DOCK7: variants seen among roughly 807,000 people sequenced by gnomAD.
DOCK7 encodes the protein dedicator of cytokinesis protein 7.
A neutral mutation model predicts 271.0 loss-of-function variants in DOCK7; 138 were observed. The ratio of observed to expected loss-of-function variants is 0.51; its 90% CI spans 0.44 to 0.59. The LOEUF (loss-of-function observed/expected upper bound fraction) is 0.59. DOCK7 is among the 20% of genes least tolerant of loss of function. The probability of loss-of-function intolerance (pLI) is 0.00; values close to 1 mark genes in which losing one functional copy is unlikely to be tolerated. For synonymous variants in DOCK7, 823 were observed against 876.1 expected (o/e 0.94, Z 1.07); for missense variants, 2,066 against 2,592.4 (o/e 0.80, Z 4.41).
intron 1 of DOCK7, 39 bp downstream of exon 1, chr1:62,688,184 TTCTC>T (rs1662062186): frequency 7.4e-7 from 1 of 1,351,998 alleles, no homozygotes; most frequent in Admixed American, 3.0e-5. Flanking sequence ...CCGCGGCTCT[TTCTC>T]GGGCGGCGGC....
intron 1 of DOCK7, among the ~76,000 whole-genome samples, chr1:62,686,682 T>C (rs1661792030): frequency 6.6e-6 from 1 of 152,204 alleles, no homozygotes; most frequent in Non-Finnish European, 1.5e-5. Flanking sequence ...AACAACACTA[T>C]GAGCTGGGTC....
intron 22 of DOCK7, among the ~76,000 whole-genome samples, chr1:62,548,656 G>T (rs1645793017): frequency 6.6e-6 from 1 of 152,048 alleles, no homozygotes; most frequent in Non-Finnish European, 1.5e-5. Flanking sequence ...CCCAACCTCA[G>T]GTGATCCACC....
intron 35 of DOCK7, among the ~76,000 whole-genome samples, chr1:62,506,140 G>A (rs1010505318): frequency 6.6e-6 from 1 of 152,072 alleles, no homozygotes; most frequent in Non-Finnish European, 1.5e-5. Flanking sequence ...AAAATAACTA[G>A]AGATAAGGCT....
chr1:62,454,876 C>CAGTT lies in DOCK7; in HGVS notation c.*534_*537dup. ...ATGTAAATGGAAAATAACTTTGAAA[C>CAGTT]AGTTACCAAACTCATTAATTTGGGG... On this transcript the variant is annotated 3_prime_UTR_variant, in exon 50 of 50. Transcript: ENST00000635253. 4.1e-6 allele frequency: 1 copy of CAGTT among 246,388 alleles called. No homozygotes were observed. The allele number at this position is 246,388 out of a possible 1,614,324, so 15.3% of individuals were successfully genotyped here. A position where few individuals can be genotyped will look rare whatever the true frequency, so the allele number is the denominator to read the frequency against.
chr1:62,520,033 G>A (rs1203086776), intron 31 of DOCK7, among the ~76,000 whole-genome samples: 1 of 151,854 alleles, frequency 6.6e-6, no homozygotes, highest in Admixed American at 6.6e-5. Flanking sequence ...ATGGTGTTCG[G>A]AACCGCCTAG....
At chr1:62,542,285 T>G (rs907417933) in intron 25 of DOCK7, among the ~76,000 whole-genome samples, 1 of 152,120 alleles carries the variant, frequency 6.6e-6, no homozygotes, top group Non-Finnish European at 1.5e-5. Context: ...TGGTATAAAA[T>G]CTACAATACT....
intron 1 of DOCK7, among the ~76,000 whole-genome samples, chr1:62,674,970 A>G (rs897766113): frequency 1.3e-5 from 2 of 152,196 alleles, no homozygotes; most frequent in Admixed American, 1.3e-4. Context: ...TAAAATTGAA[A>G]ACCTTTGTGC....
chr1:62,669,119 T>G lies in DOCK7; in HGVS notation c.39-5989A>C, dbSNP rs374468662. 1.3e-3 allele frequency among the ~76,000 whole-genome samples: 199 copies of G among 152,232 alleles called. 5 individuals carry two copies. In the Middle Eastern group the frequency reaches 0.051, roughly 39 times the overall value. ...CTGTTTGGACACTCCTCCCTATACT[T>G]TCAAAGCACCCTGTGCTTATCTGCA... On this transcript the variant is annotated intron_variant, in intron 1 of 49. Transcript: ENST00000635253.
chr1:62,604,341 T>A (rs1416663319), intron 14 of DOCK7: 2 of 1,410,612 alleles, frequency 1.4e-6, no homozygotes, highest in Non-Finnish European at 2.0e-6. Context: ...GAATCCCAAA[T>A]AAGCGTTTTC....
Position 62,507,090 on chromosome 1 carries a change from T to C in DOCK7, c.4476+872A>G, listed in dbSNP as rs1377722034. Reference sequence around the variant, plus strand: ...TCCCAAATTGCTGGGATTACAGGCATGAGCCACCGTGCCCAGCCATAAAAT... The same window carrying C: ...TCCCAAATTGCTGGGATTACAGGCACGAGCCACCGTGCCCAGCCATAAAAT... On this transcript the variant is annotated intron_variant, in intron 35 of 49. Transcript: ENST00000635253. Among the ~76,000 whole-genome samples the C allele has an allele frequency of 2.6e-5, 4 of 152,102 alleles. No individual in the cohort carries two copies. In the East Asian group the frequency reaches 7.8e-4, roughly 30 times the overall value.
intron 1 of DOCK7, among the ~76,000 whole-genome samples, chr1:62,674,790 C>G (rs1231191334): frequency 6.6e-6 from 1 of 152,090 alleles, no homozygotes; most frequent in African/African-American, 2.4e-5. Flanking sequence ...TCAAACCATG[C>G]ATAAAAACTA....
At chr1:62,602,396 T>C (rs1650280814) in intron 14 of DOCK7, 1 of 1,596,638 alleles carries the variant, frequency 6.3e-7, no homozygotes, top group African/African-American at 1.3e-5. Flanking sequence ...GGGACTACAT[T>C]CAATCATTCA....
intron 28 of DOCK7, 57 bp downstream of exon 28, chr1:62,537,834 A>T: frequency 1.3e-6 from 2 of 1,501,100 alleles, no homozygotes; most frequent in Non-Finnish European, 1.8e-6. Flanking sequence ...CCATTGTTTA[A>T]AACTATTCTT....
chr1:62,578,841 G>C lies in DOCK7; in HGVS notation c.1997C>G (p.Pro666Arg). The change falls in exon 17 of 50, where the codon CCA becomes CGA. Residue 666 changes from proline to arginine, a missense_variant. By Grantham distance (103) the Pro-to-Arg change is moderately radical. Transcript: ENST00000635253. ...AAAAGGACTCACTGTATATCCAACT[G>C]GTGTTTCAAGAGGAGTATTTTGTTT... ...QQKQNTPLET[P>R]VGYTWIPMLQ... 1 of 1,601,334 alleles carries C rather than the reference G, an allele frequency of 6.2e-7. No individual in the cohort carries two copies. The highest frequency in any genetic ancestry group is 8.5e-7 in the Non-Finnish European group (1 of 1,176,128).
At chr1:62,624,500 C>A (rs1015372192) in intron 12 of DOCK7, among the ~76,000 whole-genome samples, 1 of 152,098 alleles carries the variant, frequency 6.6e-6, no homozygotes, top group Non-Finnish European at 1.5e-5. Context: ...CTAAAAATAA[C>A]ACTGACCTCA....
chr1:62,670,215 C>T (rs1045565895), intron 1 of DOCK7, among the ~76,000 whole-genome samples: 32 of 152,352 alleles, frequency 2.1e-4, no homozygotes, highest in South Asian at 8.3e-4. Context: ...CCCCGACGAG[C>T]GCCACCCCCT....
At position 62,543,684 on chromosome 1, in the gene DOCK7, G is replaced by A; in HGVS notation, c.2921C>T (p.Thr974Ile). ...SHTETSSFLQ[T>I]LTGRLPTKKL... is the part of the protein sequence containing the mutation. ...TTTAGTTGGTAAGCGTCCCGTTAAT[G>A]TTTGTAAGAAACTTGACGTCTCTGT... Residue 974 changes from threonine to isoleucine, a missense_variant, in exon 24 of 50, where the codon ACA becomes ATA. Thr to Ile is a moderately conservative substitution (Grantham distance 89). Around this residue, in one of 2 missense-constraint regions of DOCK7, gnomAD observed 1,414 missense variants for 1,670.4 expected, o/e 0.85. Coordinates refer to ENST00000635253, the MANE Select transcript of DOCK7 (RefSeq NM_001367561.1). 1.9e-6 allele frequency: 3 copies of A among 1,603,998 alleles called. No individual in the cohort carries two copies. The highest frequency in any genetic ancestry group is 1.7e-6 in the Non-Finnish European group (2 of 1,172,624).
chr1:62,487,160 T>G, intron 43 of DOCK7: 1 of 352,254 alleles, frequency 2.8e-6, no homozygotes, highest in Non-Finnish European at 5.2e-6. Context: ...GTGGCTCATT[T>G]ACCAAAGAAT....
chr1:62,615,127 T>C (rs1432361410), intron 14 of DOCK7, among the ~76,000 whole-genome samples: 2 of 151,872 alleles, frequency 1.3e-5, no homozygotes. Context: ...AAATTATTAT[T>C]TCTTTATGTA....
Sources: allele counts gnomAD v4.1 joint callset (sites outside exome capture counted in the v4.1 genomes callset), GRCh38; gene constraint gnomAD v4.1.1; regional missense constraint gnomAD v4.1.1; transcripts MANE v1.5; gene names NCBI Gene and HGNC (gene_info 2026-07-23, HGNC 2026-07-21).